CTNNA3: variants seen among roughly 807,000 people sequenced by gnomAD.
CTNNA3 encodes catenin alpha 3.
Under a neutral mutation model 95.7 loss-of-function variants are expected in CTNNA3, and 76 were observed. That is an observed-to-expected ratio of 0.79 (90% CI 0.66 to 0.96). The LOEUF is 0.96. Ranked by LOEUF, CTNNA3 falls within the 40% of genes least tolerant of loss-of-function variation. The pLI, the probability that CTNNA3 is intolerant of heterozygous loss-of-function variation, is 0.00. For missense variants in CTNNA3, 1,191 were observed against 1,089.8 expected (o/e 1.09, Z -1.31); for synonymous variants, 431 against 374.4 (o/e 1.15, Z -1.74).
At chr10:66,557,624 T>C (rs1053592881) in intron 10 of CTNNA3, among the ~76,000 whole-genome samples, 2 of 152,116 alleles carry the variant, frequency 1.3e-5, no homozygotes, top group African/African-American at 4.8e-5. Flanking sequence ...TTGATCACAA[T>C]GTCTAAGTGA....
chr10:66,309,950 TAA>T (rs1215300467), intron 12 of CTNNA3, among the ~76,000 whole-genome samples: 172 of 105,040 alleles, frequency 1.6e-3, no homozygotes, highest in African/African-American at 6.7e-3. Flanking sequence ...AATAAATAAA[TAA>T]ATAAAATAAA....
intron 9 of CTNNA3, among the ~76,000 whole-genome samples, chr10:66,761,078 C>A (rs1839581360): frequency 6.6e-6 from 1 of 151,962 alleles, no homozygotes; most frequent in South Asian, 2.1e-4. Context: ...AACAGATGAC[C>A]AATTAAAGCA....
intron 9 of CTNNA3, among the ~76,000 whole-genome samples, chr10:66,697,583 T>C (rs10997315): frequency 0.24 from 37,067 of 152,032 alleles, 5,705 homozygotes; most frequent in East Asian, 0.56. Flanking sequence ...CAAAAAATAG[T>C]ACCTTACAGA....
chr10:66,846,585 G>A (rs1057304187), intron 7 of CTNNA3, among the ~76,000 whole-genome samples: 2 of 151,922 alleles, frequency 1.3e-5, no homozygotes, highest in African/African-American at 4.8e-5. Flanking sequence ...ATATGTGTGT[G>A]TGTGTGTGTA....
intron 1 of CTNNA3, among the ~76,000 whole-genome samples, chr10:67,741,873 A>G (rs547464751): frequency 6.6e-6 from 1 of 151,480 alleles, no homozygotes; most frequent in East Asian, 1.9e-4. Context: ...CTGATAAAAC[A>G]GACTTTAAAC....
intron 7 of CTNNA3, among the ~76,000 whole-genome samples, chr10:66,855,417 A>G (rs899062246): frequency 1.3e-5 from 2 of 151,984 alleles, no homozygotes; most frequent in Non-Finnish European, 2.9e-5. Context: ...TAATATGATA[A>G]GTGTAATAAG....
intron 7 of CTNNA3, among the ~76,000 whole-genome samples, chr10:67,157,381 G>A (rs948248174): frequency 7.2e-5 from 11 of 152,074 alleles, no homozygotes; most frequent in Admixed American, 3.9e-4. Context: ...CTTTAAAAAA[G>A]GTGAAAAAGG....
Position 67,548,026 on chromosome 10 carries a change from G to A in CTNNA3, c.293-8357C>T, listed in dbSNP as rs138157783. Among the ~76,000 whole-genome samples the A allele has an allele frequency of 2.6e-3, 391 of 152,290 alleles. 1 individual carries two copies. Among genetic ancestry groups the A allele is most frequent in the Middle Eastern group, 0.01 (3 of 294 alleles). ...GATGTTTATCCCCGCCAAATCTCAT[G>A]TTGAAATGTAATCCCCAGTGTTGGA... On this transcript the variant is annotated intron_variant, in intron 3 of 17. Coordinates refer to ENST00000433211, the MANE Select transcript of CTNNA3 (RefSeq NM_013266.4).
At chr10:66,477,974 G>T (rs1426171591) in intron 11 of CTNNA3, among the ~76,000 whole-genome samples, 1 of 152,064 alleles carries the variant, frequency 6.6e-6, no homozygotes, top group African/African-American at 2.4e-5. Context: ...GTCAGACACT[G>T]CTTCTAAGTT....
At chr10:66,728,028 G>A (rs1848832742) in intron 9 of CTNNA3, among the ~76,000 whole-genome samples, 1 of 152,172 alleles carries the variant, frequency 6.6e-6, no homozygotes, top group South Asian at 2.1e-4. Flanking sequence ...CTCACTAAAT[G>A]AAGGGCGTAT....
chr10:66,077,167 C>T lies in CTNNA3; in HGVS notation c.1978-7678G>A, dbSNP rs1361699344. ...TGCTGAAATATTTAGATATAAAATGCTATGATGTTTCAAATTACTTTGATG... is the reference window on the plus strand; with the variant it reads ...TGCTGAAATATTTAGATATAAAATGTTATGATGTTTCAAATTACTTTGATG... On this transcript the variant is annotated intron_variant, in intron 14 of 17. Coordinates refer to ENST00000433211, the MANE Select transcript of CTNNA3 (RefSeq NM_013266.4). Among the ~76,000 whole-genome samples the T allele has an allele frequency of 1.3e-5, 2 of 151,594 alleles. 1 individual carries two copies. The highest frequency in any genetic ancestry group is 4.1e-4 in the South Asian group (2 of 4,820).
At chr10:66,542,394 T>C (rs185248529) in intron 10 of CTNNA3, among the ~76,000 whole-genome samples, 77 of 152,192 alleles carry the variant, frequency 5.1e-4, no homozygotes, top group African/African-American at 1.8e-3. Flanking sequence ...ACTGGGTATA[T>C]ACCCAAAGGA....
chr10:66,784,035 G>C (rs1470402771), intron 7 of CTNNA3, among the ~76,000 whole-genome samples: 3 of 152,242 alleles, frequency 2.0e-5, no homozygotes, highest in Non-Finnish European at 1.5e-5. Context: ...AGAACAGATA[G>C]ACTTCCACGA....
chr10:66,815,248 T>C (rs1386091719), intron 7 of CTNNA3, among the ~76,000 whole-genome samples: 1 of 152,116 alleles, frequency 6.6e-6, no homozygotes, highest in Non-Finnish European at 1.5e-5. Context: ...GGAGTGTGTG[T>C]TCTAGAAAAA....
At chr10:67,043,510 T>C (rs1053054939) in intron 7 of CTNNA3, among the ~76,000 whole-genome samples, 3 of 152,162 alleles carry the variant, frequency 2.0e-5, no homozygotes, top group South Asian at 2.1e-4. Context: ...TCTTCTAGTA[T>C]AGGGTTTATT....
chr10:67,183,794 A>G (rs1188556993), intron 6 of CTNNA3, among the ~76,000 whole-genome samples: 3 of 152,098 alleles, frequency 2.0e-5, no homozygotes, highest in Non-Finnish European at 4.4e-5. Context: ...TTATTTCTCA[A>G]CGTAAGCTCC....
chr10:67,137,318 A>AT (rs397786896), intron 7 of CTNNA3, among the ~76,000 whole-genome samples: 17 of 152,014 alleles, frequency 1.1e-4, no homozygotes, highest in African/African-American at 4.1e-4. Flanking sequence ...TATTAAAAAA[A>AT]TATCAAACAT....
Position 66,766,421 on chromosome 10 carries a change from G to A in CTNNA3, c.1129-5C>T, listed in dbSNP as rs1414604262. ...ATCTATAATAGCCTTGCGGAGCTGAGAAGAAATGAAAAATTCAGGTTTTTT... is the reference window on the plus strand; with the variant it reads ...ATCTATAATAGCCTTGCGGAGCTGAAAAGAAATGAAAAATTCAGGTTTTTT... On this transcript the variant is annotated splice_polypyrimidine_tract_variant and splice_region_variant and intron_variant, in intron 8 of 17. Transcript: ENST00000433211. The A allele has an allele frequency of 1.9e-6, 3 of 1,589,098 alleles. No homozygotes were observed. The highest frequency in any genetic ancestry group is 3.5e-5 in the Admixed American group (2 of 56,376).
chr10:67,018,495 T>A (rs1852799122), intron 7 of CTNNA3, among the ~76,000 whole-genome samples: 1 of 152,208 alleles, frequency 6.6e-6, no homozygotes. Flanking sequence ...ACAACTGTTA[T>A]AAACATGTTT....
Sources: allele counts gnomAD v4.1 joint callset (sites outside exome capture counted in the v4.1 genomes callset), GRCh38; gene constraint gnomAD v4.1.1; transcripts MANE v1.5; gene names NCBI Gene and HGNC (gene_info 2026-07-23, HGNC 2026-07-21).